Variants in PMS1 observed in about 807,000 individuals in gnomAD.
PMS1 encodes the protein PMS1 homolog 1, mismatch repair system component.
A neutral mutation model predicts 93.1 loss-of-function variants in PMS1; 79 were observed. That is an observed-to-expected ratio of 0.85 (90% confidence interval 0.71 to 1.02). The LOEUF (loss-of-function observed/expected upper bound fraction) is 1.02. Among genes scored for constraint, PMS1 ranks in the 50% least tolerant of loss-of-function variants. PMS1 has a pLI of 0.00. For synonymous variants in PMS1, 335 were observed against 363.4 expected (o/e 0.92, Z 0.89); for missense variants, 1,064 against 1,085.3 (o/e 0.98, Z 0.28).
intron 5 of PMS1, among the ~76,000 whole-genome samples, chr2:189,835,661 C>T (rs986365727): frequency 6.6e-6 from 1 of 152,002 alleles, no homozygotes; most frequent in Non-Finnish European, 1.5e-5. Context: ...TATGGTGGCT[C>T]ACACCTGTAA....
chr2:189,814,316 C>A (rs953147423), intron 4 of PMS1, among the ~76,000 whole-genome samples: 21 of 149,460 alleles, frequency 1.4e-4, no homozygotes, highest in African/African-American at 2.5e-4. Flanking sequence ...GACCCCCCCC[C>A]AAAAAAAAAT....
intron 5 of PMS1, among the ~76,000 whole-genome samples, chr2:189,818,720 C>T (rs562734583): frequency 1.3e-5 from 2 of 152,262 alleles, no homozygotes; most frequent in South Asian, 4.1e-4. Context: ...CTTTTCATTT[C>T]TTAATCTCTG....
chr2:189,809,022 A>T, intron 4 of PMS1, among the ~76,000 whole-genome samples: 1 of 152,170 alleles, frequency 6.6e-6, no homozygotes, highest in East Asian at 1.9e-4. Context: ...AATTTCTCAT[A>T]TATCAAAAGT....
intron 3 of PMS1, among the ~76,000 whole-genome samples, chr2:189,797,679 T>C (rs1559220153): frequency 6.6e-6 from 1 of 152,220 alleles, no homozygotes; most frequent in African/African-American, 2.4e-5. Context: ...TAGGACTTCA[T>C]ACTTGTTGTT....
At chr2:189,807,113 C>T (rs2050412508) in intron 4 of PMS1, 1 of 172,230 alleles carries the variant, frequency 5.8e-6, no homozygotes, top group African/African-American at 2.4e-5. Flanking sequence ...AATACTGGTA[C>T]CAAATTCTCT....
In PMS1 at chr2:189,805,772, T is replaced by C. The variant is rs1277600151; in HGVS notation, c.418+18T>C. The C allele has an allele frequency of 1.2e-6, 2 of 1,613,504 alleles. No homozygotes were observed. The highest frequency in any genetic ancestry group is 2.7e-5 in the African/African-American group (2 of 74,950). Reference sequence around the variant, plus strand: ...TGGTCAAGGTAAGAAAGTAGCTTTGTATACAAACATTCTTTACCTTTTCTG... The same window carrying C: ...TGGTCAAGGTAAGAAAGTAGCTTTGCATACAAACATTCTTTACCTTTTCTG... On this transcript the variant is annotated intron_variant, in intron 4 of 12. Transcript: ENST00000441310.
chr2:189,796,188 G>A (rs922274991), intron 3 of PMS1, among the ~76,000 whole-genome samples: 4 of 151,922 alleles, frequency 2.6e-5, no homozygotes, highest in Non-Finnish European at 5.9e-5. Context: ...GTGAAACCCC[G>A]TCTCTACTAA....
chr2:189,819,067 A>T (rs1278397835), intron 5 of PMS1, among the ~76,000 whole-genome samples: 3 of 152,166 alleles, frequency 2.0e-5, no homozygotes, highest in Admixed American at 6.5e-5. Flanking sequence ...TACCTTTGTG[A>T]GTCTCCATTG....
At chr2:189,840,182 G>A (rs1410035281) in intron 5 of PMS1, among the ~76,000 whole-genome samples, 1 of 152,038 alleles carries the variant, frequency 6.6e-6, no homozygotes, top group Admixed American at 6.6e-5. Flanking sequence ...TTACAAATCA[G>A]GCAGCCCCCA....
At chr2:189,814,698 CA>C (rs1276420872) in intron 4 of PMS1, among the ~76,000 whole-genome samples, 2 of 152,198 alleles carry the variant, frequency 1.3e-5, no homozygotes, top group Admixed American at 1.3e-4. Context: ...GCGAGGCAGA[CA>C]AAAGTTTTTT....
At chr2:189,789,718 T>C (rs750905465) in intron 1 of PMS1, among the ~76,000 whole-genome samples, 17 of 152,184 alleles carry the variant, frequency 1.1e-4, no homozygotes, top group Non-Finnish European at 2.4e-4. Context: ...TGCTATTTTA[T>C]TTGCACCTAG....
At chr2:189,847,683 A>G (rs921770012) in intron 6 of PMS1, among the ~76,000 whole-genome samples, 7 of 152,172 alleles carry the variant, frequency 4.6e-5, no homozygotes, top group Middle Eastern at 3.4e-3. Context: ...TTCTCCATGA[A>G]TAGGAAATCT....
At position 189,818,011 on chromosome 2, in the gene PMS1, CA is replaced by C. The variant is rs1389853794; in HGVS notation, c.419-4del. 1 of 1,602,878 alleles carries C rather than the reference CA, an allele frequency of 6.2e-7. No homozygotes were observed. Among genetic ancestry groups the C allele is most frequent in the African/African-American group, 1.3e-5 (1 of 74,682 alleles). On this transcript the variant is annotated splice_region_variant and splice_polypyrimidine_tract_variant and intron_variant, in intron 4 of 12. Coordinates refer to ENST00000441310, the MANE Select transcript of PMS1 (RefSeq NM_000534.5). ...CTAAATGTGCTTTTCTCTTGTCTGC[CA>C]ACAGGTACAACTGTAACTGCTTTAA...
At chr2:189,791,962 A>G (rs375370322) in intron 2 of PMS1, 21 bp downstream of exon 2, 4 of 1,610,078 alleles carry the variant, frequency 2.5e-6, no homozygotes, top group East Asian at 4.5e-5. Flanking sequence ...TTGAGAACCC[A>G]AATACCTTTA....
intron 4 of PMS1, among the ~76,000 whole-genome samples, chr2:189,814,698 C>T (rs2051126922): frequency 6.6e-6 from 1 of 152,080 alleles, no homozygotes; most frequent in South Asian, 2.1e-4. Flanking sequence ...GCGAGGCAGA[C>T]AAAAGTTTTT....
At chr2:189,858,890 G>T (rs2055650091) in intron 9 of PMS1, among the ~76,000 whole-genome samples, 1 of 152,016 alleles carries the variant, frequency 6.6e-6, no homozygotes, top group Non-Finnish European at 1.5e-5. Flanking sequence ...TCATTCAGCA[G>T]ACAGGTACTG....
At chr2:189,842,263 T>C (rs2053878604) in intron 5 of PMS1, among the ~76,000 whole-genome samples, 1 of 152,070 alleles carries the variant, frequency 6.6e-6, no homozygotes, top group South Asian at 2.1e-4. Flanking sequence ...TACCACACTT[T>C]GCTGCTGCTC....
intron 5 of PMS1, among the ~76,000 whole-genome samples, chr2:189,821,273 G>A: frequency 6.6e-6 from 1 of 151,296 alleles, no homozygotes; most frequent in Non-Finnish European, 1.5e-5. Context: ...TGGCTAACAC[G>A]GTGAAACCCT....
At position 189,787,118 on chromosome 2, in the gene PMS1, C is replaced by T. The variant is rs184265198; in HGVS notation, c.-21+2525C>T. 1.3e-3 allele frequency among the ~76,000 whole-genome samples: 202 copies of T among 152,102 alleles called. 3 individuals carry two copies. The highest frequency in any genetic ancestry group is 4.8e-3 in the African/African-American group (199 of 41,484). On this transcript the variant is annotated intron_variant, in intron 1 of 12. Transcript: ENST00000441310. ...TTTGGGACATGTTATGTTTAGGTTG[C>T]CTTCAGGTCATCTAAATGATGATAT...
Sources: gnomAD v4.1 joint callset for allele counts (sites outside exome capture counted in the v4.1 genomes callset) on GRCh38, gnomAD v4.1.1 for gene constraint, MANE v1.5 for transcripts, NCBI Gene and HGNC (gene_info 2026-07-23, HGNC 2026-07-21) for gene names.